ABCD4: variants seen among roughly 807,000 people sequenced by gnomAD.
ABCD4 encodes lysosomal cobalamin transporter ABCD4.
ABCD4 carries 53 observed loss-of-function variants against 86.3 expected under a neutral mutation model. The ratio of observed to expected loss-of-function variants is 0.61; its 90% CI spans 0.49 to 0.77. The LOEUF (loss-of-function observed/expected upper bound fraction) is 0.77, where lower values mean the gene tolerates loss of function less well. Among genes scored for constraint, ABCD4 ranks in the 30% least tolerant of loss-of-function variants. The pLI, the probability that ABCD4 is intolerant of heterozygous loss-of-function variation, is 0.00. For missense variants in ABCD4, 757 were observed against 764.5 expected, an observed-to-expected ratio of 0.99 and a Z score of 0.12; for synonymous variants, 328 against 313.6, an observed-to-expected ratio of 1.05 and a Z score of -0.49.
At chr14:74,289,370 A>G in intron 14 of ABCD4, 113 bp downstream of exon 14, 1 of 1,512,538 alleles carries the variant, frequency 6.6e-7, no homozygotes, top group South Asian at 1.3e-5. Context: ...TCTTCCTTGA[A>G]TCAGCGGCCT....
intron 17 of ABCD4, 89 bp from the exon 18 acceptor site, chr14:74,286,905 G>C: frequency 7.9e-7 from 1 of 1,267,686 alleles, no homozygotes; most frequent in East Asian, 2.4e-5. Context: ...CCCCAGCTGG[G>C]ACCCAGGGGA....
At chr14:74,299,064 C>T (rs924506873) in intron 3 of ABCD4, 4 of 155,494 alleles carry the variant, frequency 2.6e-5, no homozygotes, top group East Asian at 3.8e-4. Context: ...GAGGTGACAA[C>T]GGAGGGATGA....
At chr14:74,297,157 T>C (rs1055815982) in intron 4 of ABCD4, 1 of 152,330 alleles carries the variant, frequency 6.6e-6, no homozygotes, top group African/African-American at 2.4e-5. Context: ...GGCAAGTCAC[T>C]TGCAATCTCT....
Position 74,293,203 on chromosome 14 carries a change from T to C in ABCD4, c.765A>G (p.Arg255=). 1 of 1,613,650 alleles carries C rather than the reference T, an allele frequency of 6.2e-7. No individual in the cohort carries two copies. Among genetic ancestry groups the C allele is most frequent in the Admixed American group, 1.7e-5 (1 of 59,964 alleles). The change falls in exon 8 of 19, where the codon AGA becomes AGG. Residue 255 remains arginine (R), a synonymous_variant. Coordinates refer to ENST00000356924, the MANE Select transcript of ABCD4 (RefSeq NM_005050.4). ...EHMRTDRRLQ[R]LLQTQRELMS... Reference sequence around the variant, plus strand: ...TCAGCTCCCTCTGGGTCTGAAGGAGTCTCTGCAGCCTGCGGTCTGTCCTCA... The same window carrying C: ...TCAGCTCCCTCTGGGTCTGAAGGAGCCTCTGCAGCCTGCGGTCTGTCCTCA...
intron 4 of ABCD4, chr14:74,297,503 T>TACTGGAAG (rs111567335): frequency 1.3e-5 from 2 of 155,718 alleles, no homozygotes; most frequent in African/African-American, 4.8e-5. Context: ...TTAGTCTTCT[T>TACTGGAAG]ACTGGAAGAC....
chr14:74,300,004 A>T lies in ABCD4; in HGVS notation c.157+146T>A. The T allele has an allele frequency of 5.0e-6, 3 of 595,872 alleles. No homozygotes were observed. In the South Asian group the frequency reaches 6.4e-5, roughly 13 times the overall value. 36.9% of individuals were successfully genotyped at this position (595,872 alleles called of 1,614,324 possible). A position where few individuals can be genotyped will look rare whatever the true frequency, so the allele number is the denominator to read the frequency against. The stretch of plus-strand genomic sequence containing the variant: ...CTTGAACCAGGGAGGCAGAGGTTGC[A>T]GTGAGCTGAGATTATGTCACTGCAC... On this transcript the variant is annotated intron_variant, in intron 2 of 18. Transcript: ENST00000356924.
At chr14:74,299,462 G>C in intron 3 of ABCD4, 86 bp downstream of exon 3, 1 of 1,538,856 alleles carries the variant, frequency 6.5e-7, no homozygotes, top group Non-Finnish European at 8.9e-7. Flanking sequence ...CTTGCTTCCT[G>C]CTTCCTGGAG....
intron 14 of ABCD4, chr14:74,288,978 G>A (rs1594833760): frequency 2.2e-6 from 2 of 896,288 alleles, no homozygotes; most frequent in East Asian, 6.3e-5. Context: ...CAGGCAAGGT[G>A]GCGTGCACCT....
rs752539651 is a variant in ABCD4 at position 74,286,758 on chromosome 14, G to A, written c.1695C>T (p.Ile565=). ...TGAACGTCATCCCCAGCTGCTGGCCGATGCGATAGAGCTCGCTCTCCACTT... is the reference window on the plus strand; with the variant it reads ...TGAACGTCATCCCCAGCTGCTGGCCAATGCGATAGAGCTCGCTCTCCACTT... ...TEEVESELYR[I]GQQLGMTFIS... Residue 565 remains isoleucine, a synonymous_variant, in exon 18 of 19, where the codon ATC becomes ATT. Transcript: ENST00000356924. 11 of 1,613,984 alleles carry A rather than the reference G, an allele frequency of 6.8e-6. No homozygotes were observed. Among genetic ancestry groups the A allele is most frequent in the Admixed American group, 3.3e-5 (2 of 60,012 alleles).
At chr14:74,299,930 G>C in intron 2 of ABCD4, 1 of 587,496 alleles carries the variant, frequency 1.7e-6, no homozygotes, top group African/African-American at 1.9e-5. Context: ...GGGCGTGGTG[G>C]TGGGTGCTTG....
chr14:74,290,948 T>C (rs1566943793), intron 11 of ABCD4, among the ~76,000 whole-genome samples: 1 of 151,878 alleles, frequency 6.6e-6, no homozygotes, highest in East Asian at 1.9e-4. Flanking sequence ...GGTGGGATTA[T>C]AGACGTGAGC....
Position 74,285,965 on chromosome 14 carries a change from C to G in ABCD4, c.*496G>C, listed in dbSNP as rs2079658380. The stretch of plus-strand genomic sequence containing the variant: ...TGGAGATTCAATAAAAAAGATCATT[C>G]CATGATAGAGAAGACAGAAAGCTGT... On this transcript the variant is annotated 3_prime_UTR_variant, in exon 19 of 19. Transcript: ENST00000356924. The G allele has an allele frequency of 6.5e-6, 1 of 153,364 alleles. No homozygotes were observed. Among genetic ancestry groups the G allele is most frequent in the Non-Finnish European group, 1.5e-5 (1 of 68,936 alleles). 9.5% of individuals were successfully genotyped at this position (153,364 alleles called of 1,614,324 possible).
intron 11 of ABCD4, among the ~76,000 whole-genome samples, chr14:74,291,464 G>A (rs1295553816): frequency 6.6e-6 from 1 of 152,190 alleles, no homozygotes; most frequent in African/African-American, 2.4e-5. Context: ...GGTCTTCATG[G>A]CATCACAGTG....
intron 6 of ABCD4, 131 bp downstream of exon 6, chr14:74,295,723 T>G: frequency 1.6e-6 from 2 of 1,262,756 alleles, no homozygotes; most frequent in Admixed American, 2.3e-5. Flanking sequence ...CTTGGAGAGG[T>G]TAAAGACCTC....
chr14:74,290,391 T>C lies in ABCD4; in HGVS notation c.1227A>G (p.Leu409=). The change falls in exon 12 of 19, where the codon CTA becomes CTG. Residue 409 remains leucine (L), a synonymous_variant. Transcript: ENST00000356924. ...GCAGGCTCTGTCCCTCGGAGATCTT[T>C]AGGCTCAGATCCTTGATTAGGGGTT... The part of the protein sequence containing the change: ...SDKPLIKDLS[L]KISEGQSLLI... The C allele has an allele frequency of 6.2e-7, 1 of 1,614,064 alleles. No homozygotes were observed. Among genetic ancestry groups the C allele is most frequent in the Non-Finnish European group, 8.5e-7 (1 of 1,180,012 alleles).
At chr14:74,286,948 G>A (rs994469289) in intron 17 of ABCD4, 132 bp from the exon 18 acceptor site, 4 of 756,098 alleles carry the variant, frequency 5.3e-6, no homozygotes, top group East Asian at 5.4e-5. Context: ...CAGAAGCCCT[G>A]CCTCAGGGAG....
In ABCD4 at chr14:74,292,826, G is replaced by A. The variant is rs1052000; in HGVS notation, c.858C>T (p.Tyr286=). ...TGAAAATGGGGATTGCGATGACAACGTAACTCAGGATGCTGCCCAGATAGT... is the reference window on the plus strand; with the variant it reads ...TGAAAATGGGGATTGCGATGACAACATAACTCAGGATGCTGCCCAGATAGT... ...TFDYLGSILS[Y]VVIAIPIFSG... Residue 286 remains tyrosine, a synonymous_variant, in exon 9 of 19, where the codon TAC becomes TAT. Coordinates refer to ENST00000356924, the MANE Select transcript of ABCD4 (RefSeq NM_005050.4). The A allele has an allele frequency of 0.012, 19,666 of 1,614,070 alleles. 2,014 individuals are homozygous for A. The African/African-American group carries it at 0.23, about 19-fold the overall frequency.
intron 1 of ABCD4, among the ~76,000 whole-genome samples, chr14:74,301,466 T>TA (rs78208257): frequency 0.62 from 94,971 of 151,954 alleles, 31,966 homozygotes; most frequent in African/African-American, 0.87. Flanking sequence ...GGCCAGGATC[T>TA]AAATCTAGAG....
intron 1 of ABCD4, among the ~76,000 whole-genome samples, chr14:74,301,914 A>G (rs946141308): frequency 6.6e-6 from 1 of 152,066 alleles, no homozygotes; most frequent in Non-Finnish European, 1.5e-5. Context: ...GAAAGAAAGA[A>G]AGAAAGAAAG....
Sources: gnomAD v4.1 joint callset for allele counts (sites outside exome capture counted in the v4.1 genomes callset) on GRCh38, gnomAD v4.1.1 for gene constraint, MANE v1.5 for transcripts, NCBI Gene and HGNC (gene_info 2026-07-23, HGNC 2026-07-21) for gene names.